PTK2B: variants seen among roughly 807,000 people sequenced by gnomAD.
PTK2B encodes protein tyrosine kinase 2 beta, also known as protein-tyrosine kinase 2-beta.
In PTK2B, 71 loss-of-function variants were observed where a neutral mutation model predicts 142.9. The observed-to-expected ratio is 0.50, with a 90% CI of 0.41 to 0.61. PTK2B has a LOEUF of 0.61. Ranked by LOEUF, PTK2B falls within the 20% of genes least tolerant of loss-of-function variation. The probability of loss-of-function intolerance (pLI) is 0.00; values close to 1 mark genes in which losing one functional copy is unlikely to be tolerated. For missense variants in PTK2B, 1,105 were observed against 1,320.4 expected (o/e 0.84, Z 2.53); for synonymous variants, 519 against 503.4 (o/e 1.03, Z -0.42).
At chr8:27,365,166 G>A (rs1805945077) in intron 1 of PTK2B, among the ~76,000 whole-genome samples, 1 of 152,206 alleles carries the variant, frequency 6.6e-6, no homozygotes, top group Non-Finnish European at 1.5e-5. Flanking sequence ...CTGCTCCCCA[G>A]ACATAATTTC....
At chr8:27,433,181 C>T (rs1810548079) in intron 10 of PTK2B, among the ~76,000 whole-genome samples, 1 of 152,234 alleles carries the variant, frequency 6.6e-6, no homozygotes, top group Non-Finnish European at 1.5e-5. Context: ...TACTAGGTAC[C>T]AGGCATCGTG....
At chr8:27,384,038 C>G (rs909527134) in intron 1 of PTK2B, among the ~76,000 whole-genome samples, 9 of 150,940 alleles carry the variant, frequency 6.0e-5, no homozygotes, top group African/African-American at 2.2e-4. Context: ...TTAGTAGAGA[C>G]AGGGTTTCTC....
chr8:27,420,759 A>G lies in PTK2B; in HGVS notation c.471+15A>G. 1 of 1,594,984 alleles carries G rather than the reference A, an allele frequency of 6.3e-7. No homozygotes were observed. The highest frequency in any genetic ancestry group is 8.6e-7 in the Non-Finnish European group (1 of 1,163,126). ...TTTACCAACAGGTAAAAAGTACTTT[A>G]TCTTCTTGCCCCGAGGCTCCCATTA... On this transcript the variant is annotated intron_variant, in intron 4 of 30. Transcript: ENST00000346049.
intron 1 of PTK2B, among the ~76,000 whole-genome samples, chr8:27,346,839 C>A (rs1804740349): frequency 6.6e-6 from 1 of 152,254 alleles, no homozygotes; most frequent in South Asian, 2.1e-4. Flanking sequence ...CTTTCTTTCA[C>A]TGAGCCAAAC....
upstream of PTK2B, chr8:27,310,950 G>A (rs1241835768): frequency 3.7e-6 from 6 of 1,612,654 alleles, no homozygotes; most frequent in East Asian, 2.2e-5. Flanking sequence ...CGCGAGAAGC[G>A]GTAGCTGGTC....
chr8:27,386,500 A>C (rs1173080519), intron 1 of PTK2B, among the ~76,000 whole-genome samples: 1 of 152,042 alleles, frequency 6.6e-6, no homozygotes, highest in Non-Finnish European at 1.5e-5. Context: ...TGGTTCCTTA[A>C]AGTTGTTTTT....
Position 27,434,052 on chromosome 8 carries a change from T to C in PTK2B, c.1106-41T>C, listed in dbSNP as rs202126403. ...GGTCAGTCACCCATCCAGGTCCCTG[T>C]GTCCCCAGCTCCAACCTCCTCCTTC... On this transcript the variant is annotated intron_variant, in intron 11 of 30. Coordinates refer to ENST00000346049, the MANE Select transcript of PTK2B (RefSeq NM_173176.3). 207 of 1,608,492 alleles carry C rather than the reference T, an allele frequency of 1.3e-4. No individual in the cohort carries two copies. In the African/African-American group the frequency reaches 2.4e-3, roughly 19 times the overall value.
chr8:27,378,614 T>C (rs377610860), intron 1 of PTK2B, among the ~76,000 whole-genome samples: 6,732 of 67,524 alleles, frequency 0.1, 238 homozygotes, highest in Non-Finnish European at 0.13. Flanking sequence ...TGTGTGTGTG[T>C]GTGTGTGTGT....
chr8:27,361,768 CA>C (rs1319809423), intron 1 of PTK2B, among the ~76,000 whole-genome samples: 1 of 152,120 alleles, frequency 6.6e-6, no homozygotes, highest in Non-Finnish European at 1.5e-5. Flanking sequence ...CTGGTGCTCT[CA>C]ATGAAGTACA....
intron 18 of PTK2B, among the ~76,000 whole-genome samples, chr8:27,438,672 G>C (rs1563290192): frequency 6.6e-6 from 1 of 152,232 alleles, no homozygotes; most frequent in East Asian, 1.9e-4. Context: ...ATGGGGGACA[G>C]TGTAGGCAAC....
upstream of PTK2B, among the ~76,000 whole-genome samples, chr8:27,323,939 T>A (rs939269): frequency 0.68 from 102,928 of 151,964 alleles, 35,556 homozygotes; most frequent in Non-Finnish European, 0.75. Context: ...ACACAAACTC[T>A]CCTTTTCTTA....
intron 1 of PTK2B, among the ~76,000 whole-genome samples, chr8:27,339,085 G>A (rs945166026): frequency 1.2e-4 from 19 of 152,208 alleles, no homozygotes; most frequent in Admixed American, 2.0e-4. Context: ...ATTTTCTGTC[G>A]CCTGGAATAT....
chr8:27,369,510 A>G (rs1806216118), intron 1 of PTK2B, among the ~76,000 whole-genome samples: 1 of 151,524 alleles, frequency 6.6e-6, no homozygotes, highest in African/African-American at 2.4e-5. Context: ...TCTCTACTAA[A>G]AATACAAAAA....
In PTK2B at chr8:27,454,277, G is replaced by A. The variant is rs749879548; in HGVS notation, c.2719G>A (p.Val907Met). 7 of 1,613,498 alleles carry A rather than the reference G, an allele frequency of 4.3e-6. No individual in the cohort carries two copies. In the Admixed American group the frequency reaches 5.0e-5, roughly 12 times the overall value. Reference protein sequence around the residue: ...ELCQLPPEGYVVVVKNVGLTL... With the variant: ...ELCQLPPEGYMVVVKNVGLTL... ...CTGTCAGCTGCCCCCCGAGGGCTAC[G>A]TGGTGGTGGTGAAGGTGAGAGCAGG... The change falls in exon 29 of 31, where the codon GTG (valine) becomes ATG (methionine). Residue 907 changes from valine (V) to methionine (M), a missense_variant. By Grantham distance (21) the Val-to-Met change is conservative (BLOSUM62 1). Transcript: ENST00000346049.
intron 1 of PTK2B, among the ~76,000 whole-genome samples, chr8:27,354,497 A>G (rs1178882877): frequency 6.6e-6 from 1 of 152,154 alleles, no homozygotes; most frequent in East Asian, 1.9e-4. Context: ...GACAGATGAA[A>G]CAATTGAGGT....
intron 1 of PTK2B, among the ~76,000 whole-genome samples, chr8:27,343,753 A>G (rs1348168811): frequency 6.6e-6 from 1 of 152,190 alleles, no homozygotes; most frequent in Non-Finnish European, 1.5e-5. Context: ...TAATCCCAGC[A>G]CTTTTGGAGG....
At chr8:27,427,665 CTT>C (rs775709268) in intron 5 of PTK2B, among the ~76,000 whole-genome samples, 2 of 152,282 alleles carry the variant, frequency 1.3e-5, no homozygotes, top group Non-Finnish European at 2.9e-5. Flanking sequence ...CCAGAGGTGT[CTT>C]ATTAATGTGG....
At chr8:27,340,583 G>A (rs1462713969) in intron 1 of PTK2B, among the ~76,000 whole-genome samples, 1 of 152,256 alleles carries the variant, frequency 6.6e-6, no homozygotes, top group Admixed American at 6.5e-5. Flanking sequence ...GATAGGATAG[G>A]CAGTTGCAAG....
intron 24 of PTK2B, among the ~76,000 whole-genome samples, chr8:27,447,977 A>T (rs1215396936): frequency 6.6e-6 from 1 of 152,286 alleles, no homozygotes. Flanking sequence ...AAGCGCTTAC[A>T]GTCGACCAGA....
Sources: allele counts gnomAD v4.1 joint callset (sites outside exome capture counted in the v4.1 genomes callset), GRCh38; gene constraint gnomAD v4.1.1; transcripts MANE v1.5; gene names NCBI Gene and HGNC (gene_info 2026-07-23, HGNC 2026-07-21).